FHIT: variants seen among roughly 807,000 people sequenced by gnomAD.
The protein encoded by FHIT is bis(5'-adenosyl)-triphosphatase.
Under a neutral mutation model 17.9 loss-of-function variants are expected in FHIT, and 19 were observed. The ratio of observed to expected loss-of-function variants is 1.06; its 90% CI spans 0.74 to 1.56. The LOEUF (loss-of-function observed/expected upper bound fraction) is 1.56, where lower values mean the gene tolerates loss of function less well. FHIT is among the 40% of genes most tolerant of loss of function. The pLI is 0.00. For missense variants in FHIT, 248 were observed against 189.2 expected, an observed-to-expected ratio of 1.31 and a Z score of -1.82; for synonymous variants, 81 against 69.7, an observed-to-expected ratio of 1.16 and a Z score of -0.81.
At chr3:61,206,651 T>A (rs2039243994) in intron 1 of FHIT, among the ~76,000 whole-genome samples, 2 of 152,160 alleles carry the variant, frequency 1.3e-5, no homozygotes, top group African/African-American at 4.8e-5. Flanking sequence ...ATGCTTGTGA[T>A]TTTTGCACAT....
intron 5 of FHIT, among the ~76,000 whole-genome samples, chr3:60,435,488 G>A (rs77120193): frequency 0.018 from 2,707 of 151,866 alleles, 41 homozygotes; most frequent in Non-Finnish European, 0.026. Context: ...TGGTGCACAC[G>A]TCTGCTGAAA....
chr3:59,859,466 C>G (rs756834670), intron 8 of FHIT, among the ~76,000 whole-genome samples: 7 of 152,164 alleles, frequency 4.6e-5, no homozygotes, highest in Non-Finnish European at 1.0e-4. Context: ...GCCTGTAATC[C>G]CAGCACTTTG....
intron 6 of FHIT, 126 bp from the exon 7 acceptor site, chr3:60,011,526 G>C (rs1407338608): frequency 4.9e-6 from 4 of 815,920 alleles, no homozygotes; most frequent in South Asian, 3.0e-5. Flanking sequence ...TATTCTCATG[G>C]GGACCATTGG....
At chr3:60,844,119 T>A (rs1702839831) in intron 3 of FHIT, among the ~76,000 whole-genome samples, 1 of 152,146 alleles carries the variant, frequency 6.6e-6, no homozygotes, top group Admixed American at 6.6e-5. Flanking sequence ...GCTTAGCAAA[T>A]ACCTTATAAA....
intron 5 of FHIT, among the ~76,000 whole-genome samples, chr3:60,498,481 G>A (rs1476285190): frequency 6.6e-6 from 1 of 152,024 alleles, no homozygotes; most frequent in Non-Finnish European, 1.5e-5. Flanking sequence ...CTAAGGGTTG[G>A]GAACGACAAG....
chr3:60,520,946 A>G (rs2035335189), intron 5 of FHIT, among the ~76,000 whole-genome samples: 1 of 152,074 alleles, frequency 6.6e-6, no homozygotes, highest in Admixed American at 6.6e-5. Context: ...GATTTTTACT[A>G]CCATGCCTCA....
At chr3:61,061,647 T>C (rs2034433588) in intron 2 of FHIT, among the ~76,000 whole-genome samples, 1 of 152,140 alleles carries the variant, frequency 6.6e-6, no homozygotes, top group South Asian at 2.1e-4. Flanking sequence ...AGGATTCAAG[T>C]CCAGGCAAAT....
intron 3 of FHIT, among the ~76,000 whole-genome samples, chr3:60,940,530 G>A (rs1213296442): frequency 2.0e-5 from 3 of 151,852 alleles, no homozygotes; most frequent in African/African-American, 4.8e-5. Flanking sequence ...TATTCTTTCC[G>A]AATCCAATAT....
In FHIT at chr3:60,339,023, T is replaced by C. The variant is rs565108912; in HGVS notation, c.103+197837A>G. ...CCCACAGAAGATACCATCTGGCATA[T>C]AGTTTGTAAAACTTTACATTTGCTA... On this transcript the variant is annotated intron_variant, in intron 5 of 9. Transcript: ENST00000492590. Among the ~76,000 whole-genome samples the C allele has an allele frequency of 5.9e-5, 9 of 152,294 alleles. No individual in the cohort carries two copies. In the East Asian group the frequency reaches 9.6e-4, roughly 16 times the overall value.
At chr3:60,624,153 C>T (rs782067408) in intron 4 of FHIT, among the ~76,000 whole-genome samples, 2 of 152,072 alleles carry the variant, frequency 1.3e-5, no homozygotes, top group Non-Finnish European at 2.9e-5. Flanking sequence ...AATGGTAGAG[C>T]CAGTGGTGTG....
At chr3:61,022,727 G>T (rs1253401699) in intron 3 of FHIT, among the ~76,000 whole-genome samples, 11 of 152,092 alleles carry the variant, frequency 7.2e-5, no homozygotes, top group Admixed American at 7.2e-4. Context: ...CACATAAACA[G>T]AACCAATGAC....
In FHIT at chr3:60,884,910, C is replaced by CA. The variant is rs71092651; in HGVS notation, c.-110-62900dup. Among the ~76,000 whole-genome samples, 612 of 110,214 alleles carry CA rather than the reference C, an allele frequency of 5.6e-3. 10 individuals are homozygous for CA. Among genetic ancestry groups the CA allele is most frequent in the East Asian group, 0.031 (131 of 4,228 alleles). The allele number at this position is 110,214 out of a possible 152,430, so 72.3% of individuals were successfully genotyped here. ...TAGGTGACAGACTGAGACCCTTTCT[C>CA]AAAAAAAAAAAAAAGAAGAAGAAGA... is the stretch of plus-strand genomic sequence containing the variant. On this transcript the variant is annotated intron_variant, in intron 3 of 9. Coordinates refer to ENST00000492590, the MANE Select transcript of FHIT (RefSeq NM_002012.4).
chr3:60,465,834 G>A (rs2032758363), intron 5 of FHIT, among the ~76,000 whole-genome samples: 1 of 151,954 alleles, frequency 6.6e-6, no homozygotes, highest in Admixed American at 6.6e-5. Context: ...GATTCCTCCA[G>A]TACTTTTTGC....
chr3:60,669,680 C>G (rs1429312616), intron 4 of FHIT, among the ~76,000 whole-genome samples: 3 of 152,072 alleles, frequency 2.0e-5, no homozygotes, highest in Non-Finnish European at 4.4e-5. Context: ...GCTGGGAATC[C>G]CCAAATAGAC....
chr3:60,076,704 A>G (rs1290519521), intron 5 of FHIT, among the ~76,000 whole-genome samples: 1 of 152,100 alleles, frequency 6.6e-6, no homozygotes, highest in Non-Finnish European at 1.5e-5. Flanking sequence ...TCAGCTGTTG[A>G]GGATTCCTAC....
At chr3:60,554,129 C>A (rs2036661991) in intron 4 of FHIT, among the ~76,000 whole-genome samples, 1 of 151,398 alleles carries the variant, frequency 6.6e-6, no homozygotes, top group Non-Finnish European at 1.5e-5. Flanking sequence ...AAGACAGAAA[C>A]CTGAATAAAA....
chr3:59,815,504 G>A (rs1700566463), intron 8 of FHIT, among the ~76,000 whole-genome samples: 1 of 151,670 alleles, frequency 6.6e-6, no homozygotes. Context: ...TCAATAAGTG[G>A]ATAAAGAAAT....
chr3:59,913,477 A>G (rs1238159929), intron 8 of FHIT, among the ~76,000 whole-genome samples: 1 of 152,194 alleles, frequency 6.6e-6, no homozygotes. Flanking sequence ...CTGCAAATTT[A>G]GTTTCAATTC....
chr3:59,855,067 C>A (rs1055117243), intron 8 of FHIT, among the ~76,000 whole-genome samples: 4 of 152,206 alleles, frequency 2.6e-5, no homozygotes, highest in African/African-American at 9.6e-5. Context: ...ACTAATTGCA[C>A]TCAGTACTTG....
Sources: gnomAD v4.1 joint callset for allele counts (sites outside exome capture counted in the v4.1 genomes callset) on GRCh38, gnomAD v4.1.1 for gene constraint, MANE v1.5 for transcripts, NCBI Gene and HGNC (gene_info 2026-07-23, HGNC 2026-07-21) for gene names.